The following SPATA17 variants were observed in gnomAD, a reference collection of about 807,000 sequenced individuals.
SPATA17 encodes the protein spermatogenesis-associated protein 17.
Under a neutral mutation model 62.2 loss-of-function variants are expected in SPATA17, and 53 were observed. The ratio of observed to expected loss-of-function variants is 0.85; its 90% CI spans 0.68 to 1.07. The LOEUF is 1.07. Among genes scored for constraint, SPATA17 ranks in the 50% least tolerant of loss-of-function variants. The pLI, the probability that SPATA17 is intolerant of heterozygous loss-of-function variation, is 0.00. For synonymous variants in SPATA17, 146 were observed against 146.8 expected, an observed-to-expected ratio of 0.99 and a Z score of 0.04; for missense variants, 466 against 425.5, an observed-to-expected ratio of 1.10 and a Z score of -0.84.
intron 9 of SPATA17, among the ~76,000 whole-genome samples, chr1:217,831,467 C>T (rs1675139783): frequency 6.6e-6 from 1 of 152,112 alleles, no homozygotes; most frequent in Non-Finnish European, 1.5e-5. Flanking sequence ...ACTAGGGAAG[C>T]ATACTCATTT....
chr1:217,661,730 CTATTAT>C (rs1423610626), intron 3 of SPATA17, among the ~76,000 whole-genome samples: 3 of 152,058 alleles, frequency 2.0e-5, no homozygotes, highest in Non-Finnish European at 2.9e-5. Context: ...AAATTCTTTC[CTATTAT>C]TGAGGATGTG....
At chr1:217,718,312 A>G (rs1247483614) in intron 5 of SPATA17, among the ~76,000 whole-genome samples, 1 of 152,176 alleles carries the variant, frequency 6.6e-6, no homozygotes, top group Non-Finnish European at 1.5e-5. Context: ...GCAGGAGGAA[A>G]AAAAAAAATC....
At chr1:217,833,778 A>G (rs1675199639) in intron 9 of SPATA17, among the ~76,000 whole-genome samples, 1 of 152,186 alleles carries the variant, frequency 6.6e-6, no homozygotes. Context: ...AAGTAAAGAC[A>G]TGAAATTGTA....
intron 9 of SPATA17, among the ~76,000 whole-genome samples, chr1:217,858,890 T>C (rs932287521): frequency 6.6e-6 from 1 of 151,880 alleles, no homozygotes; most frequent in African/African-American, 2.4e-5. Context: ...TAGCCAGGCG[T>C]GGTGATGTGT....
chr1:217,684,669 G>A (rs1671175499), intron 5 of SPATA17, among the ~76,000 whole-genome samples: 1 of 152,058 alleles, frequency 6.6e-6, no homozygotes, highest in South Asian at 2.1e-4. Context: ...GCCCACCTCG[G>A]CCTCCCAAAG....
intron 8 of SPATA17, among the ~76,000 whole-genome samples, chr1:217,796,860 A>C (rs571477302): frequency 1.3e-5 from 2 of 152,150 alleles, no homozygotes; most frequent in African/African-American, 2.4e-5. Context: ...TTTATTTTTC[A>C]TGTTGAAGGT....
intron 5 of SPATA17, among the ~76,000 whole-genome samples, chr1:217,715,722 T>G (rs1671987524): frequency 6.6e-6 from 1 of 152,146 alleles, no homozygotes; most frequent in African/African-American, 2.4e-5. Flanking sequence ...TGTGAACAAC[T>G]TCTAGTTGTA....
chr1:217,715,423 T>A (rs1671978847), intron 5 of SPATA17, among the ~76,000 whole-genome samples: 1 of 152,182 alleles, frequency 6.6e-6, no homozygotes, highest in Non-Finnish European at 1.5e-5. Context: ...AATTTTAATC[T>A]TATATTAAAG....
intron 4 of SPATA17, among the ~76,000 whole-genome samples, chr1:217,670,978 C>T (rs1280640092): frequency 6.7e-6 from 1 of 148,444 alleles, no homozygotes; most frequent in Non-Finnish European, 1.5e-5. Context: ...AAAAAGAAAT[C>T]CCCACACCCT....
rs4453106 is a variant in SPATA17, at chr1:217,700,070, T to C, written c.395+16709T>C. ...CACTATCTTATCTACTGTAACTATA[T>C]AATAAACCTTAACGTTGGGCAGGGG... On this transcript the variant is annotated intron_variant, in intron 5 of 10. Transcript: ENST00000366933. Among the ~76,000 whole-genome samples the C allele has an allele frequency of 8.1e-3, 1,240 of 152,310 alleles. 10 individuals carry two copies. Among genetic ancestry groups the C allele is most frequent in the African/African-American group, 0.027 (1,111 of 41,560 alleles).
intron 6 of SPATA17, among the ~76,000 whole-genome samples, chr1:217,758,717 A>G (rs1035442031): frequency 4.6e-5 from 7 of 152,202 alleles, no homozygotes; most frequent in African/African-American, 1.4e-4. Flanking sequence ...ATGAGCAAGG[A>G]ACTAAGTGAG....
chr1:217,799,110 T>C (rs1340438643), intron 8 of SPATA17, among the ~76,000 whole-genome samples: 1 of 152,108 alleles, frequency 6.6e-6, no homozygotes, highest in Non-Finnish European at 1.5e-5. Context: ...AATAATTTTT[T>C]CCTAATTTGA....
chr1:217,761,813 T>C (rs1408027257), intron 6 of SPATA17, among the ~76,000 whole-genome samples: 1 of 152,194 alleles, frequency 6.6e-6, no homozygotes, highest in Non-Finnish European at 1.5e-5. Context: ...GTTCTTTAAA[T>C]GGAATCTTTC....
intron 7 of SPATA17, among the ~76,000 whole-genome samples, chr1:217,775,685 A>T (rs1673572329): frequency 6.6e-6 from 1 of 151,908 alleles, no homozygotes; most frequent in Non-Finnish European, 1.5e-5. Flanking sequence ...CTGGCGACCG[A>T]TCTATATATA....
intron 9 of SPATA17, among the ~76,000 whole-genome samples, chr1:217,831,634 G>A (rs1450315549): frequency 6.6e-6 from 1 of 152,072 alleles, no homozygotes; most frequent in African/African-American, 2.4e-5. Flanking sequence ...TATAATTGAT[G>A]TACATTTATT....
chr1:217,646,302 C>T (rs1200738907), intron 1 of SPATA17, among the ~76,000 whole-genome samples: 1 of 152,066 alleles, frequency 6.6e-6, no homozygotes, highest in South Asian at 2.1e-4. Context: ...TGTATCTGTT[C>T]AAAGTCCAAA....
At chr1:217,645,175 A>G (rs1371811812) in intron 1 of SPATA17, among the ~76,000 whole-genome samples, 1 of 152,106 alleles carries the variant, frequency 6.6e-6, no homozygotes, top group Non-Finnish European at 1.5e-5. Flanking sequence ...CCTTCCTTTT[A>G]ATTGCAATGT....
At chr1:217,683,728 C>G (rs1671155241) in intron 5 of SPATA17, among the ~76,000 whole-genome samples, 1 of 152,152 alleles carries the variant, frequency 6.6e-6, no homozygotes, top group African/African-American at 2.4e-5. Flanking sequence ...GCGTGAGCCA[C>G]TGCACCCGGC....
At chr1:217,720,982 T>C (rs1005612469) in intron 5 of SPATA17, among the ~76,000 whole-genome samples, 8 of 152,214 alleles carry the variant, frequency 5.3e-5, no homozygotes, top group African/African-American at 1.9e-4. Flanking sequence ...AAGACATATA[T>C]ATCCAGATTC....
Sources: allele counts gnomAD v4.1 joint callset (sites outside exome capture counted in the v4.1 genomes callset), GRCh38; gene constraint gnomAD v4.1.1; transcripts MANE v1.5; gene names NCBI Gene and HGNC (gene_info 2026-07-23, HGNC 2026-07-21).